The following PRR16 variants were observed in gnomAD, a reference collection of about 807,000 sequenced individuals.
The protein encoded by PRR16 is proline rich 16, also known as protein Largen.
Under a neutral mutation model 18.2 loss-of-function variants are expected in PRR16, and 6 were observed. The observed-to-expected ratio is 0.33, with a 90% CI of 0.18 to 0.65. The LOEUF (loss-of-function observed/expected upper bound fraction) is 0.65. Ranked by LOEUF, PRR16 falls within the 30% of genes least tolerant of loss-of-function variation. The pLI, the probability that PRR16 is intolerant of heterozygous loss-of-function variation, is 0.74. For synonymous variants in PRR16, 151 were observed against 147.8 expected, an observed-to-expected ratio of 1.02 and a Z score of -0.16; for missense variants, 412 against 376.6, an observed-to-expected ratio of 1.09 and a Z score of -0.78.
chr5:120,748,291 C>T, the PRR16 span, among the ~76,000 whole-genome samples: 1 of 152,046 alleles, frequency 6.6e-6, no homozygotes, highest in African/African-American at 2.4e-5. Flanking sequence ...TAATATCTAT[C>T]TCTTTCAGAC....
At chr5:120,784,635 G>A in the PRR16 span, among the ~76,000 whole-genome samples, 27 of 152,204 alleles carry the variant, frequency 1.8e-4, no homozygotes, top group South Asian at 2.1e-3. Flanking sequence ...GCAAGAGATC[G>A]GAGTAGACAT....
chr5:120,673,586 A>T, intron 1 of PRR16, among the ~76,000 whole-genome samples: 1 of 152,206 alleles, frequency 6.6e-6, no homozygotes, highest in Non-Finnish European at 1.5e-5. Context: ...TTTTATATTT[A>T]GATATGGGCT....
chr5:120,669,731 A>G (rs971361016), intron 1 of PRR16, among the ~76,000 whole-genome samples: 3 of 152,076 alleles, frequency 2.0e-5, no homozygotes, highest in Non-Finnish European at 4.4e-5. Flanking sequence ...TTAAATTAGA[A>G]CTCAGTAAAA....
At chr5:120,710,653 C>G in the PRR16 span, 4 of 152,050 alleles carry the variant, frequency 2.6e-5, no homozygotes, top group Non-Finnish European at 5.9e-5. Flanking sequence ...CAAGATTAGT[C>G]GCTCAAAAAG....
At chr5:120,736,034 T>C in the PRR16 span, among the ~76,000 whole-genome samples, 7 of 152,220 alleles carry the variant, frequency 4.6e-5, no homozygotes, top group Admixed American at 3.9e-4. Flanking sequence ...CTTTTGGATG[T>C]GGATACTCAA....
chr5:120,646,447 C>T (rs775795669), intron 1 of PRR16, among the ~76,000 whole-genome samples: 15 of 151,858 alleles, frequency 9.9e-5, no homozygotes, highest in Non-Finnish European at 2.2e-4. Flanking sequence ...CAGGGACCGT[C>T]ATTAGCAAAG....
intron 1 of PRR16, among the ~76,000 whole-genome samples, chr5:120,637,644 G>T (rs543262812): frequency 2.0e-5 from 3 of 151,856 alleles, no homozygotes; most frequent in African/African-American, 7.2e-5. Flanking sequence ...TGGGGATTTG[G>T]GGGGAAGGGT....
chr5:120,768,808 T>C, the PRR16 span, among the ~76,000 whole-genome samples: 1 of 151,778 alleles, frequency 6.6e-6, no homozygotes, highest in Non-Finnish European at 1.5e-5. Flanking sequence ...AGAATAGGTT[T>C]GACTGATTCC....
At chr5:120,772,633 A>G in the PRR16 span, among the ~76,000 whole-genome samples, 2 of 151,974 alleles carry the variant, frequency 1.3e-5, no homozygotes, top group Non-Finnish European at 2.9e-5. Context: ...ACTGGAATGG[A>G]TATAAGATGA....
the PRR16 span, among the ~76,000 whole-genome samples, chr5:120,749,440 G>T: frequency 6.6e-6 from 1 of 152,080 alleles, no homozygotes; most frequent in Non-Finnish European, 1.5e-5. Flanking sequence ...TATGTTTATA[G>T]AATAGTTATA....
chr5:120,524,679 A>G (rs893014461), intron 1 of PRR16, among the ~76,000 whole-genome samples: 3 of 152,110 alleles, frequency 2.0e-5, no homozygotes, highest in African/African-American at 7.2e-5. Context: ...CTAAAAGAGT[A>G]TAATTGGGTT....
intron 1 of PRR16, among the ~76,000 whole-genome samples, chr5:120,604,281 A>T (rs1283476508): frequency 2.0e-5 from 3 of 151,966 alleles, no homozygotes; most frequent in Non-Finnish European, 4.4e-5. Context: ...CTTCTTTTTG[A>T]ATTGAACCCT....
chr5:120,680,758 G>T (rs921680358), intron 1 of PRR16, among the ~76,000 whole-genome samples: 6 of 152,108 alleles, frequency 3.9e-5, no homozygotes, highest in Non-Finnish European at 8.8e-5. Flanking sequence ...ATGTTATGTT[G>T]TTTTCTCAAG....
chr5:120,777,921 T>C, the PRR16 span, among the ~76,000 whole-genome samples: 3 of 152,124 alleles, frequency 2.0e-5, no homozygotes, highest in East Asian at 3.9e-4. Context: ...CAAAAATACA[T>C]TGAGAACCAA....
chr5:120,659,152 A>G (rs938357942), intron 1 of PRR16, among the ~76,000 whole-genome samples: 2 of 152,048 alleles, frequency 1.3e-5, no homozygotes, highest in Non-Finnish European at 2.9e-5. Flanking sequence ...CTGGCCCCAC[A>G]AAATAAAAGT....
intron 1 of PRR16, among the ~76,000 whole-genome samples, chr5:120,514,629 C>G (rs1467180634): frequency 6.6e-6 from 1 of 152,194 alleles, no homozygotes; most frequent in East Asian, 1.9e-4. Flanking sequence ...AGTCATAAGA[C>G]AGACACAATT....
At chr5:120,758,812 A>G in the PRR16 span, among the ~76,000 whole-genome samples, 1 of 152,114 alleles carries the variant, frequency 6.6e-6, no homozygotes, top group East Asian at 1.9e-4. Context: ...TAGTACTATG[A>G]AAACAAACTA....
intron 1 of PRR16, among the ~76,000 whole-genome samples, chr5:120,562,098 T>C (rs2112718917): frequency 6.6e-6 from 1 of 152,302 alleles, no homozygotes; most frequent in East Asian, 1.9e-4. Flanking sequence ...CATGTATTAT[T>C]GTATCGAAGT....
chr5:120,499,855 A>G (rs1227497107), intron 1 of PRR16, among the ~76,000 whole-genome samples: 1 of 151,802 alleles, frequency 6.6e-6, no homozygotes, highest in African/African-American at 2.4e-5. Context: ...TAGGTATTAC[A>G]TTATGAGAGT....
Sources: allele counts gnomAD v4.1 joint callset (sites outside exome capture counted in the v4.1 genomes callset), GRCh38; gene constraint gnomAD v4.1.1; transcripts MANE v1.5; gene names NCBI Gene and HGNC (gene_info 2026-07-23, HGNC 2026-07-21).